CCSER1: variants seen among roughly 807,000 people sequenced by gnomAD.
CCSER1 encodes coiled-coil serine rich protein 1, also known as serine-rich coiled-coil domain-containing protein 1.
A neutral mutation model predicts 82.0 loss-of-function variants in CCSER1; 41 were observed. The observed-to-expected ratio is 0.50, with a 90% CI of 0.39 to 0.65. CCSER1 has a LOEUF of 0.65. Ranked by LOEUF, CCSER1 falls within the 30% of genes least tolerant of loss-of-function variation. The pLI is 0.00. For synonymous variants in CCSER1, 414 were observed against 383.9 expected, an observed-to-expected ratio of 1.08 and a Z score of -0.92; for missense variants, 1,119 against 1,064.2, an observed-to-expected ratio of 1.05 and a Z score of -0.72.
intron 7 of CCSER1, among the ~76,000 whole-genome samples, chr4:90,728,384 T>TAAGAAC (rs58221036): frequency 0.23 from 34,200 of 151,844 alleles, 4,814 homozygotes; most frequent in African/African-American, 0.4. Flanking sequence ...ATATCAAGAA[T>TAAGAAC]AAGAACAAGA....
intron 10 of CCSER1, among the ~76,000 whole-genome samples, chr4:91,590,770 A>G (rs992179992): frequency 2.0e-5 from 3 of 152,106 alleles, no homozygotes; most frequent in African/African-American, 7.2e-5. Context: ...GATATTTTTT[A>G]AAATTAATAA....
At chr4:91,402,588 G>C (rs1284425031) in intron 10 of CCSER1, among the ~76,000 whole-genome samples, 2 of 152,122 alleles carry the variant, frequency 1.3e-5, no homozygotes, top group African/African-American at 4.8e-5. Flanking sequence ...GTAAGGAAGG[G>C]ATCCAGTTTC....
intron 10 of CCSER1, among the ~76,000 whole-genome samples, chr4:91,110,454 A>G (rs1247629514): frequency 2.0e-5 from 3 of 152,202 alleles, no homozygotes; most frequent in East Asian, 3.9e-4. Flanking sequence ...CTTTGAATTA[A>G]TAAGACAGTA....
intron 3 of CCSER1, among the ~76,000 whole-genome samples, chr4:90,373,065 G>T (rs189246687): frequency 6.6e-6 from 1 of 151,936 alleles, no homozygotes; most frequent in African/African-American, 2.4e-5. Flanking sequence ...CTTATCTGTT[G>T]AGAGTTGACT....
At chr4:90,526,293 A>G (rs2153627813) in intron 5 of CCSER1, among the ~76,000 whole-genome samples, 1 of 152,222 alleles carries the variant, frequency 6.6e-6, no homozygotes, top group Admixed American at 6.5e-5. Context: ...AACAAAACCA[A>G]GTTTTCGAAT....
chr4:90,228,192 C>A (rs577157162), intron 1 of CCSER1, among the ~76,000 whole-genome samples: 306 of 152,326 alleles, frequency 2.0e-3, no homozygotes, highest in African/African-American at 6.7e-3. Context: ...ACAAAAAGAC[C>A]GCAGTAACCT....
At chr4:91,457,541 A>G (rs535585475) in intron 10 of CCSER1, among the ~76,000 whole-genome samples, 9 of 152,218 alleles carry the variant, frequency 5.9e-5, no homozygotes, top group South Asian at 4.1e-4. Flanking sequence ...GTGGTGGCGC[A>G]TGCCTTTAGT....
chr4:91,107,086 A>G (rs549560986), intron 10 of CCSER1, among the ~76,000 whole-genome samples: 6 of 152,286 alleles, frequency 3.9e-5, no homozygotes, highest in South Asian at 2.1e-4. Context: ...AATATTTAAC[A>G]CTGTGTTACA....
intron 8 of CCSER1, among the ~76,000 whole-genome samples, chr4:90,894,980 G>C (rs1379310421): frequency 6.6e-6 from 1 of 151,852 alleles, no homozygotes; most frequent in Non-Finnish European, 1.5e-5. Context: ...CTAAAATTAT[G>C]TGTATACACT....
chr4:90,473,309 T>C (rs1277980879), intron 5 of CCSER1, among the ~76,000 whole-genome samples: 1 of 152,210 alleles, frequency 6.6e-6, no homozygotes, highest in East Asian at 1.9e-4. Context: ...ATTGTAAAGT[T>C]AGAAATGCAG....
chr4:91,161,984 G>A (rs1388977479), intron 10 of CCSER1, among the ~76,000 whole-genome samples: 1 of 152,134 alleles, frequency 6.6e-6, no homozygotes, highest in Non-Finnish European at 1.5e-5. Context: ...GAATAGGAGT[G>A]GTGAGAGAGG....
At chr4:91,107,517 A>G (rs1725732444) in intron 10 of CCSER1, among the ~76,000 whole-genome samples, 1 of 152,136 alleles carries the variant, frequency 6.6e-6, no homozygotes, top group Non-Finnish European at 1.5e-5. Flanking sequence ...GGCCTCCCAT[A>G]GTGCTGGGAT....
chr4:91,262,938 C>T lies in CCSER1; in HGVS notation c.2217+176944C>T, dbSNP rs577814044. ...GCCTGACTCACTTTACCTTTAGATT[C>T]CCTTGCTCTGGTAATTAACACTTAG... On this transcript the variant is annotated intron_variant, in intron 10 of 10. Coordinates refer to ENST00000509176, the MANE Select transcript of CCSER1 (RefSeq NM_001145065.2). 2.7e-4 allele frequency among the ~76,000 whole-genome samples: 41 copies of T among 152,004 alleles called. No homozygotes were observed. In the South Asian group the frequency reaches 3.7e-3, roughly 14 times the overall value.
intron 10 of CCSER1, among the ~76,000 whole-genome samples, chr4:91,306,318 T>G (rs1415811312): frequency 6.6e-6 from 1 of 152,052 alleles, no homozygotes; most frequent in Non-Finnish European, 1.5e-5. Flanking sequence ...ATTTGAAGAC[T>G]TAAATTGCTT....
At chr4:90,607,191 C>T (rs1236655763) in intron 5 of CCSER1, among the ~76,000 whole-genome samples, 2 of 152,034 alleles carry the variant, frequency 1.3e-5, no homozygotes, top group African/African-American at 4.8e-5. Context: ...TTAGTTAGTA[C>T]CTCAGTATTT....
At chr4:90,583,949 A>G (rs1387550304) in intron 5 of CCSER1, among the ~76,000 whole-genome samples, 1 of 152,154 alleles carries the variant, frequency 6.6e-6, no homozygotes, top group Non-Finnish European at 1.5e-5. Context: ...ATGTCCAATA[A>G]TATAAAAGGT....
intron 3 of CCSER1, among the ~76,000 whole-genome samples, chr4:90,371,997 C>T (rs1325234790): frequency 6.6e-6 from 1 of 152,136 alleles, no homozygotes; most frequent in Non-Finnish European, 1.5e-5. Flanking sequence ...AATGTGTTCA[C>T]ATATTAACCC....
chr4:91,426,801 A>G (rs1224858519), intron 10 of CCSER1, among the ~76,000 whole-genome samples: 5 of 152,166 alleles, frequency 3.3e-5, no homozygotes, highest in Admixed American at 1.3e-4. Context: ...CAGACTTTAA[A>G]TTTATATAAA....
At chr4:90,331,759 C>T (rs556488522) in intron 3 of CCSER1, among the ~76,000 whole-genome samples, 8 of 151,096 alleles carry the variant, frequency 5.3e-5, no homozygotes, top group Admixed American at 1.3e-4. Flanking sequence ...CTTCAGTGAA[C>T]GTTGTGGACT....
Sources: allele counts gnomAD v4.1 joint callset (sites outside exome capture counted in the v4.1 genomes callset), GRCh38; gene constraint gnomAD v4.1.1; transcripts MANE v1.5; gene names NCBI Gene and HGNC (gene_info 2026-07-23, HGNC 2026-07-21).